PSD3: variants seen among roughly 807,000 people sequenced by gnomAD.
PSD3 encodes PH and SEC7 domain-containing protein 3.
PSD3 carries 49 observed loss-of-function variants against 105.5 expected under a neutral mutation model. The ratio of observed to expected loss-of-function variants is 0.46; its 90% CI spans 0.37 to 0.59. The LOEUF is 0.59. Ranked by LOEUF, PSD3 falls within the 20% of genes least tolerant of loss-of-function variation. The pLI, the probability that PSD3 is intolerant of heterozygous loss-of-function variation, is 0.00. For missense variants in PSD3, 1,561 were observed against 1,263.8 expected, an observed-to-expected ratio of 1.24 and a Z score of -3.57; for synonymous variants, 557 against 457.8, an observed-to-expected ratio of 1.22 and a Z score of -2.77.
intron 10 of PSD3, among the ~76,000 whole-genome samples, chr8:18,646,312 C>G (rs1255207082): frequency 6.6e-6 from 1 of 152,072 alleles, no homozygotes; most frequent in East Asian, 1.9e-4. Context: ...TTAAGAAACA[C>G]TACTCTGATT....
At position 18,804,459 on chromosome 8, in the gene PSD3, C is replaced by T. The variant is rs188640219; in HGVS notation, c.1910+63G>A. The T allele has an allele frequency of 6.5e-4, 886 of 1,360,008 alleles. 7 individuals carry two copies. The East Asian group carries it at 0.013, about 21-fold the overall frequency. 84.2% of individuals were successfully genotyped at this position (1,360,008 alleles called of 1,614,324 possible). On this transcript the variant is annotated intron_variant, in intron 6 of 15. Coordinates refer to ENST00000327040, the MANE Select transcript of PSD3 (RefSeq NM_015310.4). Reference sequence around the variant, plus strand: ...ATAAGATTCTAGCTAGAAGACATTACTTTCTTCTCTAAGAACTAATCATTT... The same window carrying T: ...ATAAGATTCTAGCTAGAAGACATTATTTTCTTCTCTAAGAACTAATCATTT...
chr8:18,858,196 C>A (rs146188239), intron 4 of PSD3, among the ~76,000 whole-genome samples: 353 of 152,294 alleles, frequency 2.3e-3, no homozygotes, highest in African/African-American at 8.1e-3. Context: ...ATACAAATTT[C>A]TGGATTTTCT....
At chr8:18,653,285 T>C (rs913638607) in intron 10 of PSD3, among the ~76,000 whole-genome samples, 3 of 152,028 alleles carry the variant, frequency 2.0e-5, no homozygotes, top group Non-Finnish European at 2.9e-5. Context: ...ATAACCACTA[T>C]AGTGTCTTCT....
chr8:18,607,531 C>T (rs760761398), intron 11 of PSD3, among the ~76,000 whole-genome samples: 5 of 151,958 alleles, frequency 3.3e-5, no homozygotes, highest in African/African-American at 7.3e-5. Flanking sequence ...ACTCTGGTTT[C>T]CATACAGAGA....
intron 8 of PSD3, among the ~76,000 whole-genome samples, chr8:18,783,767 G>A (rs1453739784): frequency 2.0e-5 from 3 of 152,188 alleles, no homozygotes; most frequent in South Asian, 2.1e-4. Flanking sequence ...CGAGTAACTG[G>A]GATGATAGGT....
chr8:18,542,646 A>G (rs1800215528), intron 15 of PSD3, among the ~76,000 whole-genome samples: 1 of 152,212 alleles, frequency 6.6e-6, no homozygotes, highest in Non-Finnish European at 1.5e-5. Context: ...TTTAATAATG[A>G]GCCCATGGAA....
intron 9 of PSD3, among the ~76,000 whole-genome samples, chr8:18,690,601 G>C (rs916785520): frequency 2.0e-5 from 3 of 152,128 alleles, no homozygotes; most frequent in African/African-American, 7.2e-5. Context: ...CCTGATACAG[G>C]CTCCACTGCC....
chr8:18,750,550 G>A (rs1259217736), intron 9 of PSD3, among the ~76,000 whole-genome samples: 3 of 152,050 alleles, frequency 2.0e-5, no homozygotes, highest in African/African-American at 4.8e-5. Context: ...AAGAGCGAAA[G>A]AACAAACCTT....
intron 1 of PSD3, among the ~76,000 whole-genome samples, chr8:18,943,591 G>A (rs190999441): frequency 9.9e-5 from 15 of 152,254 alleles, no homozygotes; most frequent in African/African-American, 3.6e-4. Flanking sequence ...CTCTTGAAGT[G>A]AAGGAAAAGG....
At chr8:18,746,099 T>C (rs954074352) in intron 9 of PSD3, among the ~76,000 whole-genome samples, 1 of 152,240 alleles carries the variant, frequency 6.6e-6, no homozygotes, top group Non-Finnish European at 1.5e-5. Context: ...CTGTCTGGCA[T>C]ACTTTCCTCT....
At chr8:18,604,029 T>G (rs185066354) in intron 11 of PSD3, among the ~76,000 whole-genome samples, 3 of 152,308 alleles carry the variant, frequency 2.0e-5, no homozygotes, top group African/African-American at 7.2e-5. Flanking sequence ...ATTGGTACTG[T>G]CAAGTGGGGC....
chr8:18,763,576 G>C (rs1400266071), intron 9 of PSD3, among the ~76,000 whole-genome samples: 1 of 151,224 alleles, frequency 6.6e-6, no homozygotes, highest in Non-Finnish European at 1.5e-5. Context: ...GACACCAAAA[G>C]AAAAATAGAA....
At chr8:19,083,616 A>T (rs2129478437) in intron 1 of PSD3, among the ~76,000 whole-genome samples, 1 of 152,346 alleles carries the variant, frequency 6.6e-6, no homozygotes, top group South Asian at 2.1e-4. Context: ...GGATGACAGT[A>T]GGGTGTGGCT....
chr8:18,745,478 T>A (rs1020162182), intron 9 of PSD3, among the ~76,000 whole-genome samples: 5 of 152,192 alleles, frequency 3.3e-5, no homozygotes, highest in Non-Finnish European at 7.4e-5. Context: ...CCAGGTTGGC[T>A]AGGTTGGCCT....
intron 2 of PSD3, among the ~76,000 whole-genome samples, chr8:18,920,140 G>A (rs528821675): frequency 6.6e-6 from 1 of 151,722 alleles, no homozygotes; most frequent in South Asian, 2.1e-4. Flanking sequence ...AACTTCTACA[G>A]GACAATCTAA....
At chr8:19,007,964 T>G (rs1307883564) in intron 1 of PSD3, among the ~76,000 whole-genome samples, 1 of 152,190 alleles carries the variant, frequency 6.6e-6, no homozygotes, top group Non-Finnish European at 1.5e-5. Context: ...TGCCTCAGCT[T>G]CCCAAGTAGC....
chr8:18,574,955 TCTA>T (rs764845756), intron 13 of PSD3, among the ~76,000 whole-genome samples, 170 bp downstream of exon 13: 1 of 152,000 alleles, frequency 6.6e-6, no homozygotes, highest in African/African-American at 2.4e-5. Context: ...ATCCTGGGTT[TCTA>T]TTTTTTTTTA....
intron 15 of PSD3, among the ~76,000 whole-genome samples, chr8:18,542,095 T>C (rs901870521): frequency 1.3e-5 from 2 of 152,118 alleles, no homozygotes; most frequent in Non-Finnish European, 2.9e-5. Context: ...ATAGACTTTA[T>C]TGCCCACTGT....
chr8:18,842,603 G>A (rs748050518), intron 4 of PSD3, among the ~76,000 whole-genome samples: 2 of 152,102 alleles, frequency 1.3e-5, no homozygotes, highest in East Asian at 3.9e-4. Flanking sequence ...CGTGGTGGGA[G>A]GCACCTGTAG....
Sources: allele counts gnomAD v4.1 joint callset (sites outside exome capture counted in the v4.1 genomes callset), GRCh38; gene constraint gnomAD v4.1.1; transcripts MANE v1.5; gene names NCBI Gene and HGNC (gene_info 2026-07-23, HGNC 2026-07-21).